Variants in SAMD5 observed in about 807,000 individuals in gnomAD.
SAMD5 encodes sterile alpha motif domain containing 5.
SAMD5 carries 13 observed loss-of-function variants against 11.3 expected under a neutral mutation model. The ratio of observed to expected loss-of-function variants is 1.15; its 90% CI spans 0.75 to 1.83. The LOEUF (loss-of-function observed/expected upper bound fraction) is 1.83, where lower values mean the gene tolerates loss of function less well. Ranked by LOEUF, SAMD5 falls within the 40% of genes most tolerant of loss-of-function variation. SAMD5 has a pLI of 0.00. For missense variants in SAMD5, 255 were observed against 239.1 expected, an observed-to-expected ratio of 1.07 and a Z score of -0.44; for synonymous variants, 129 against 111.3, an observed-to-expected ratio of 1.16 and a Z score of -1.00.
At chr6:147,815,222 G>A in the SAMD5 span, among the ~76,000 whole-genome samples, 3 of 152,188 alleles carry the variant, frequency 2.0e-5, no homozygotes, top group East Asian at 1.9e-4. Context: ...TACCAGCCTC[G>A]TTCACTGCCC....
the SAMD5 span, among the ~76,000 whole-genome samples, chr6:147,891,360 G>T: frequency 2.6e-5 from 4 of 152,052 alleles, no homozygotes; most frequent in African/African-American, 9.6e-5. Flanking sequence ...ATGAAAAGAA[G>T]GAAAAAAATG....
At chr6:147,557,244 A>T (rs1247815299) in intron 1 of SAMD5, among the ~76,000 whole-genome samples, 3 of 152,254 alleles carry the variant, frequency 2.0e-5, no homozygotes, top group African/African-American at 7.2e-5. Context: ...TTTTGTCTAA[A>T]ATCACCTTTG....
chr6:147,742,145 T>A (rs1470452655), downstream of SAMD5, among the ~76,000 whole-genome samples: 1 of 152,176 alleles, frequency 6.6e-6, no homozygotes, highest in Non-Finnish European at 1.5e-5. Context: ...TGTGCAAAAA[T>A]GTAATAACAA....
At chr6:147,826,176 T>C in the SAMD5 span, among the ~76,000 whole-genome samples, 1 of 152,266 alleles carries the variant, frequency 6.6e-6, no homozygotes, top group Non-Finnish European at 1.5e-5. Context: ...GGTATTACTA[T>C]AGCTAATGTG....
the SAMD5 span, among the ~76,000 whole-genome samples, chr6:147,850,983 G>C: frequency 7.4e-6 from 1 of 135,970 alleles, no homozygotes; most frequent in Non-Finnish European, 1.5e-5. Flanking sequence ...GTCTCTCCCT[G>C]TTTCCCAGTC....
intron 1 of SAMD5, among the ~76,000 whole-genome samples, chr6:147,529,749 C>T (rs1284464510): frequency 6.6e-6 from 1 of 152,094 alleles, no homozygotes; most frequent in Non-Finnish European, 1.5e-5. Flanking sequence ...ACTTATTTTG[C>T]TAGTATTATA....
chr6:147,564,570 T>A lies in SAMD5; in HGVS notation c.*114T>A. The A allele has an allele frequency of 7.9e-7, 1 of 1,259,328 alleles. No homozygotes were observed. Among genetic ancestry groups the A allele is most frequent in the Non-Finnish European group, 1.1e-6 (1 of 901,564 alleles). The allele number at this position is 1,259,328 out of a possible 1,614,324, so 78.0% of individuals were successfully genotyped here. On this transcript the variant is annotated 3_prime_UTR_variant, in exon 2 of 2. Transcript: ENST00000367474. ...TGGATGATGACCCTGGAAATACTCATCAGCTTAACTTTTTGCTTGGACAAA... is the reference window on the plus strand; with the variant it reads ...TGGATGATGACCCTGGAAATACTCAACAGCTTAACTTTTTGCTTGGACAAA...
At chr6:147,700,176 G>C (rs982737968) in intron 1 of SAMD5, among the ~76,000 whole-genome samples, 2 of 152,032 alleles carry the variant, frequency 1.3e-5, no homozygotes, top group African/African-American at 4.8e-5. Context: ...TATTAAACTC[G>C]TAAGATTTTT....
chr6:147,511,244 A>G (rs1788083569), intron 1 of SAMD5, among the ~76,000 whole-genome samples: 1 of 152,244 alleles, frequency 6.6e-6, no homozygotes, highest in Non-Finnish European at 1.5e-5. Context: ...TCTGATTCTT[A>G]AAAAGCAAAA....
At chr6:147,861,984 G>A in the SAMD5 span, among the ~76,000 whole-genome samples, 1,018 of 152,224 alleles carry the variant, frequency 6.7e-3, 9 homozygotes, top group Non-Finnish European at 0.012. Context: ...TCAGAAAGGG[G>A]GAGGTCCAGT....
chr6:147,877,083 A>T, the SAMD5 span, among the ~76,000 whole-genome samples: 17 of 76,824 alleles, frequency 2.2e-4, no homozygotes, highest in East Asian at 1.1e-3. Flanking sequence ...GTTTTTATTT[A>T]AAAAAAAATC....
At chr6:147,836,102 C>A in the SAMD5 span, among the ~76,000 whole-genome samples, 10 of 152,194 alleles carry the variant, frequency 6.6e-5, no homozygotes, top group Non-Finnish European at 1.5e-4. Flanking sequence ...TTCACTGTAA[C>A]TACTTCATGT....
At chr6:147,573,589 A>G (rs1416502448), downstream of SAMD5, among the ~76,000 whole-genome samples, 5 of 152,292 alleles carry the variant, frequency 3.3e-5, no homozygotes, top group Middle Eastern at 3.4e-3. Context: ...ACCTTACATA[A>G]GTTACTAAAT....
At chr6:147,617,881 A>C (rs1789895991) in intron 1 of SAMD5, among the ~76,000 whole-genome samples, 1 of 152,238 alleles carries the variant, frequency 6.6e-6, no homozygotes, top group African/African-American at 2.4e-5. Context: ...TTCAATGTGA[A>C]AGTGTTTCAA....
chr6:147,570,133 A>T, downstream of SAMD5: 1 of 548,146 alleles, frequency 1.8e-6, no homozygotes, highest in Non-Finnish European at 2.3e-6. Context: ...TATGGTCAGC[A>T]TGGGAAATCA....
the SAMD5 span, among the ~76,000 whole-genome samples, chr6:147,867,493 A>T: frequency 1.3e-5 from 2 of 152,026 alleles, no homozygotes; most frequent in Non-Finnish European, 2.9e-5. Flanking sequence ...AGGGCAGTTC[A>T]TTTGTGATGG....
intron 1 of SAMD5, among the ~76,000 whole-genome samples, chr6:147,554,649 C>T (rs1465128182): frequency 6.6e-6 from 1 of 152,182 alleles, no homozygotes; most frequent in Admixed American, 6.5e-5. Context: ...AGAAAAGTCA[C>T]CTCACCTTAA....
intron 1 of SAMD5, among the ~76,000 whole-genome samples, chr6:147,688,946 T>G (rs1421716882): frequency 6.6e-6 from 1 of 152,242 alleles, no homozygotes; most frequent in Non-Finnish European, 1.5e-5. Context: ...CAAAAAGCTC[T>G]CTTGTTTAAG....
chr6:147,703,716 T>G (rs1448247943), intron 1 of SAMD5, among the ~76,000 whole-genome samples: 1 of 152,110 alleles, frequency 6.6e-6, no homozygotes, highest in Non-Finnish European at 1.5e-5. Context: ...AATTTAGAGA[T>G]ATTGTGGAAG....
Sources: gnomAD v4.1 joint callset for allele counts (sites outside exome capture counted in the v4.1 genomes callset) on GRCh38, gnomAD v4.1.1 for gene constraint, MANE v1.5 for transcripts, NCBI Gene and HGNC (gene_info 2026-07-23, HGNC 2026-07-21) for gene names.